Variants in PHACTR4 observed in about 807,000 individuals in gnomAD.
PHACTR4 encodes protein phosphatase 1, regulatory subunit 124.
A neutral mutation model predicts 72.7 loss-of-function variants in PHACTR4; 51 were observed. The ratio of observed to expected loss-of-function variants is 0.70; its 90% confidence interval spans 0.56 to 0.89. The LOEUF (loss-of-function observed/expected upper bound fraction) is 0.89, where lower values mean the gene tolerates loss of function less well. Among genes scored for constraint, PHACTR4 ranks in the 40% least tolerant of loss-of-function variants. The pLI is 0.00. For synonymous variants in PHACTR4, 255 were observed against 302.5 expected (o/e 0.84, Z 1.63); for missense variants, 731 against 861.8 (o/e 0.85, Z 1.90).
chr1:28,466,589 C>T lies in PHACTR4; in HGVS notation c.644C>T (p.Thr215Ile). The T allele has an allele frequency of 6.2e-7, 1 of 1,614,142 alleles. No homozygotes were observed. Among genetic ancestry groups the T allele is most frequent in the Non-Finnish European group, 8.5e-7 (1 of 1,180,014 alleles). Residue 215 changes from threonine (T) to isoleucine (I), a missense_variant, in exon 6 of 14, where the codon ACA (threonine) becomes ATA (isoleucine). By Grantham distance (89) the Thr-to-Ile change is moderately conservative (BLOSUM62 -1). Transcript: ENST00000373839. ...GCACCCGCTGCCACCACTGCTGCCA[C>T]AAGCCTTGCAAAGACTGTTAATCTC... ...TTAPAATTAA[T>I]SLAKTVNLSV...
chr1:28,380,688 G>A (rs184044309), intron 1 of PHACTR4, among the ~76,000 whole-genome samples: 1 of 152,210 alleles, frequency 6.6e-6, no homozygotes, highest in East Asian at 1.9e-4. Context: ...TGTTTTTTAT[G>A]GTGGCATAGT....
intron 11 of PHACTR4, 144 bp downstream of exon 11, chr1:28,491,156 C>CT: frequency 1.3e-6 from 1 of 743,860 alleles, no homozygotes; most frequent in Non-Finnish European, 2.2e-6. Context: ...ATTGCTTGAG[C>CT]CCAGGAGTTC....
At chr1:28,371,606 A>G (rs1031357868) in intron 1 of PHACTR4, among the ~76,000 whole-genome samples, 2 of 150,014 alleles carry the variant, frequency 1.3e-5, no homozygotes, top group Non-Finnish European at 3.0e-5. Flanking sequence ...ATTTTTATGT[A>G]TTTATTTTTT....
At chr1:28,459,833 G>A (rs1658671055) in intron 3 of PHACTR4, among the ~76,000 whole-genome samples, 1 of 152,200 alleles carries the variant, frequency 6.6e-6, no homozygotes, top group Non-Finnish European at 1.5e-5. Flanking sequence ...TTCCTGAACT[G>A]TCGCAAATCT....
intron 2 of PHACTR4, among the ~76,000 whole-genome samples, chr1:28,426,232 T>A (rs1223476795): frequency 7.0e-6 from 1 of 142,828 alleles, no homozygotes; most frequent in African/African-American, 2.7e-5. Context: ...AAAAAAAAAA[T>A]TGTGAATATA....
At chr1:28,386,826 TA>T (rs570432676) in intron 1 of PHACTR4, among the ~76,000 whole-genome samples, 144 of 152,272 alleles carry the variant, frequency 9.5e-4, no homozygotes, top group African/African-American at 3.1e-3. Context: ...CAACGATATT[TA>T]AAAAAATAGT....
At chr1:28,377,829 C>T (rs1651802388) in intron 1 of PHACTR4, among the ~76,000 whole-genome samples, 1 of 145,496 alleles carries the variant, frequency 6.9e-6, no homozygotes, top group South Asian at 2.2e-4. Flanking sequence ...GAAAGACCAT[C>T]TCAAAAAAAA....
chr1:28,427,482 C>T (rs1316065152), intron 2 of PHACTR4, among the ~76,000 whole-genome samples: 1 of 152,038 alleles, frequency 6.6e-6, no homozygotes, highest in Non-Finnish European at 1.5e-5. Flanking sequence ...GCTGAAATTG[C>T]ACCACTGCAT....
At chr1:28,469,915 G>A (rs1416293400) in intron 6 of PHACTR4, among the ~76,000 whole-genome samples, 2 of 151,734 alleles carry the variant, frequency 1.3e-5, no homozygotes, top group African/African-American at 4.8e-5. Flanking sequence ...AAATGATCTG[G>A]GTATGATGGT....
rs1206344063 is a variant in PHACTR4 at position 28,445,093 on chromosome 1, T to A, written c.17-13992T>A. 2.6e-5 allele frequency among the ~76,000 whole-genome samples: 4 copies of A among 151,798 alleles called. No homozygotes were observed. The East Asian group carries it at 7.7e-4, about 29-fold the overall frequency. On this transcript the variant is annotated intron_variant, in intron 2 of 13. Coordinates refer to ENST00000373839, the MANE Select transcript of PHACTR4 (RefSeq NM_001048183.3). ...CCTCAGCCTCCTGAGTAGCTGGGATTACAGGCGCCTGCCAGCATGCCCGAC... is the reference window on the plus strand; with the variant it reads ...CCTCAGCCTCCTGAGTAGCTGGGATAACAGGCGCCTGCCAGCATGCCCGAC...
At chr1:28,370,730 G>A (rs1007409097) in intron 1 of PHACTR4, among the ~76,000 whole-genome samples, 1 of 152,150 alleles carries the variant, frequency 6.6e-6, no homozygotes, top group Middle Eastern at 3.4e-3. Context: ...TTCAGTGGAA[G>A]AATTTGCTTT....
intron 2 of PHACTR4, among the ~76,000 whole-genome samples, chr1:28,454,364 C>T (rs887393214): frequency 1.3e-5 from 2 of 150,386 alleles, no homozygotes; most frequent in African/African-American, 4.9e-5. Flanking sequence ...GCAAGCTCCA[C>T]CTCCCGGGTT....
chr1:28,461,110 T>A (rs926014487), intron 4 of PHACTR4, among the ~76,000 whole-genome samples: 1 of 152,174 alleles, frequency 6.6e-6, no homozygotes, highest in Admixed American at 6.6e-5. Flanking sequence ...TTTCTCTTCA[T>A]CTGAGTTATG....
rs982197852 is a variant in PHACTR4 at position 28,496,652 on chromosome 1, C to T, written c.*103C>T. 5 of 1,344,344 alleles carry T rather than the reference C, an allele frequency of 3.7e-6. No individual in the cohort carries two copies. The highest frequency in any genetic ancestry group is 5.3e-6 in the Non-Finnish European group (5 of 943,026). 83.3% of individuals were successfully genotyped at this position (1,344,344 alleles called of 1,614,324 possible). ...GCACTTCCCAGCACAGCCAGAATTG[C>T]ATCCTCTGGGATCTTCTGAGGTGGA... is the stretch of plus-strand genomic sequence containing the variant. On this transcript the variant is annotated 3_prime_UTR_variant, in exon 14 of 14. Coordinates refer to ENST00000373839, the MANE Select transcript of PHACTR4 (RefSeq NM_001048183.3).
intron 13 of PHACTR4, chr1:28,494,294 A>T (rs962465214): frequency 6.6e-6 from 1 of 151,918 alleles, no homozygotes; most frequent in African/African-American, 2.4e-5. Flanking sequence ...AGGTGGGAGG[A>T]TCACTTTGAG....
At chr1:28,456,771 C>A (rs556638268) in intron 2 of PHACTR4, among the ~76,000 whole-genome samples, 130 of 152,154 alleles carry the variant, frequency 8.5e-4, no homozygotes, top group African/African-American at 2.7e-3. Flanking sequence ...TGCCTGTAAT[C>A]TCAGCTACTC....
At chr1:28,393,729 G>A (rs781230247) in intron 1 of PHACTR4, among the ~76,000 whole-genome samples, 4 of 151,774 alleles carry the variant, frequency 2.6e-5, no homozygotes, top group Non-Finnish European at 4.4e-5. Flanking sequence ...TTTTTGAGAT[G>A]GGGTCTCACT....
intron 9 of PHACTR4, among the ~76,000 whole-genome samples, chr1:28,484,540 A>G (rs757023034): frequency 2.6e-5 from 4 of 151,042 alleles, no homozygotes; most frequent in Non-Finnish European, 5.9e-5. Context: ...GTGTATGTGT[A>G]TATATATGTG....
chr1:28,459,102 A>G lies in PHACTR4; in HGVS notation c.34A>G (p.Thr12Ala). 6 of 1,611,388 alleles carry G rather than the reference A, an allele frequency of 3.7e-6. No individual in the cohort carries two copies. Among genetic ancestry groups the G allele is most frequent in the Non-Finnish European group, 5.1e-6 (6 of 1,178,924 alleles). ...EDPFEEADQP[T>A]TEPGMVLDSV... The stretch of plus-strand genomic sequence containing the variant: ...TGTAACAGAGGAAGCAGACCAGCCC[A>G]CTACAGAGCCAGGCATGGTCCTGGA... The change falls in exon 3 of 14, where the codon ACT becomes GCT. Residue 12 changes from threonine to alanine, a missense_variant. Around this residue, in one of 2 missense-constraint regions of PHACTR4, gnomAD observed 621 missense variants for 676.6 expected, o/e 0.92. Coordinates refer to ENST00000373839, the MANE Select transcript of PHACTR4 (RefSeq NM_001048183.3).
Sources: allele counts gnomAD v4.1 joint callset (sites outside exome capture counted in the v4.1 genomes callset), GRCh38; gene constraint gnomAD v4.1.1; regional missense constraint gnomAD v4.1.1; transcripts MANE v1.5; gene names NCBI Gene and HGNC (gene_info 2026-07-23, HGNC 2026-07-21).